The following RAD52 variants were observed in gnomAD, a reference collection of about 807,000 sequenced individuals.
RAD52 encodes RAD52 DNA repair protein, also known as DNA repair protein RAD52 homolog.
RAD52 carries 47 observed loss-of-function variants against 55.5 expected under a neutral mutation model. The observed-to-expected ratio is 0.85, with a 90% confidence interval of 0.67 to 1.08. RAD52 has a LOEUF of 1.08. RAD52 is among the 50% of genes least tolerant of loss of function. The pLI, the probability that RAD52 is intolerant of heterozygous loss-of-function variation, is 0.00. For synonymous variants in RAD52, 184 were observed against 198.9 expected (o/e 0.92, Z 0.63); for missense variants, 468 against 522.8 (o/e 0.90, Z 1.02).
chr12:955,400 A>C (rs577672352), intron 1 of RAD52, among the ~76,000 whole-genome samples: 2 of 152,116 alleles, frequency 1.3e-5, no homozygotes, highest in Admixed American at 6.6e-5. Flanking sequence ...TGCTTAGTCA[A>C]TGGCCATGAC....
At chr12:984,451 G>A (rs1047124674) in intron 1 of RAD52, among the ~76,000 whole-genome samples, 38 of 152,066 alleles carry the variant, frequency 2.5e-4, no homozygotes, top group African/African-American at 8.7e-4. Flanking sequence ...ACCTGCCTCA[G>A]GCTCCCAAAG....
At chr12:971,333 C>CTTT (rs1401463073) in intron 1 of RAD52, among the ~76,000 whole-genome samples, 2 of 151,894 alleles carry the variant, frequency 1.3e-5, no homozygotes, top group Admixed American at 6.6e-5. Context: ...AAAAGACTGC[C>CTTT]TTTTCCTCTA....
In RAD52 at chr12:932,829, TAAA is replaced by T; in HGVS notation, c.84+143_84+145del. On this transcript the variant is annotated intron_variant, in intron 2 of 11. Coordinates refer to ENST00000358495, the MANE Select transcript of RAD52 (RefSeq NM_134424.4). ...AGGTACTGCTCACACACGTACTAGG[TAAA>T]CGTACTAGGTACTGCTCACACACGT... The T allele has an allele frequency of 1.9e-4, 35 of 183,410 alleles. 1 individual carries two copies. The highest frequency in any genetic ancestry group is 2.7e-4 in the Non-Finnish European group (24 of 87,690). 11.4% of individuals were successfully genotyped at this position (183,410 alleles called of 1,614,324 possible).
intron 2 of RAD52, 112 bp from the exon 3 acceptor site, chr12:931,433 G>T: frequency 2.8e-6 from 2 of 711,434 alleles, no homozygotes; most frequent in Non-Finnish European, 4.5e-6. Flanking sequence ...CAGAACCTTT[G>T]TTTATGTGGG....
At chr12:937,115 G>A (rs971966650) in intron 1 of RAD52, among the ~76,000 whole-genome samples, 2 of 152,094 alleles carry the variant, frequency 1.3e-5, no homozygotes, top group Non-Finnish European at 2.9e-5. Flanking sequence ...GAAGCTGAGG[G>A]GTCCGTCCAC....
At chr12:981,116 G>A (rs1340241499) in intron 1 of RAD52, among the ~76,000 whole-genome samples, 1 of 151,774 alleles carries the variant, frequency 6.6e-6, no homozygotes, top group Non-Finnish European at 1.5e-5. Flanking sequence ...GATAGCTTGA[G>A]GTCAGCAGTT....
chr12:974,992 G>C (rs1255849815), intron 1 of RAD52: 2 of 152,104 alleles, frequency 1.3e-5, no homozygotes, highest in East Asian at 3.8e-4. Context: ...CCAAAGATAG[G>C]TGAGTACAGT....
intron 1 of RAD52, among the ~76,000 whole-genome samples, chr12:945,371 A>T (rs886934289): frequency 4.6e-5 from 7 of 151,908 alleles, no homozygotes; most frequent in South Asian, 2.1e-4. Context: ...TAGAAAAAAA[A>T]TTTTTAATTG....
chr12:979,673 T>C (rs897815360), intron 1 of RAD52, among the ~76,000 whole-genome samples: 3 of 152,264 alleles, frequency 2.0e-5, no homozygotes, highest in Admixed American at 2.0e-4. Context: ...TTCCAGCACC[T>C]TGATCTTGGA....
At position 926,911 on chromosome 12, in the gene RAD52, T is replaced by A. The variant is rs1592359417; in HGVS notation, c.467+234A>T. ...GACTGAGTGCACGGAGAAGAGAGAGTACAGGATTCTACCACTTACTCCCAG... is the reference window on the plus strand; with the variant it reads ...GACTGAGTGCACGGAGAAGAGAGAGAACAGGATTCTACCACTTACTCCCAG... On this transcript the variant is annotated intron_variant, in intron 6 of 11. Coordinates refer to ENST00000358495, the MANE Select transcript of RAD52 (RefSeq NM_134424.4). 3 of 1,536,500 alleles carry A rather than the reference T, an allele frequency of 2.0e-6. No homozygotes were observed. In the East Asian group the frequency reaches 7.3e-5, roughly 38 times the overall value.
At position 944,045 on chromosome 12, in the gene RAD52, A is replaced by C. The variant is rs1379593373; in HGVS notation, c.-19+5557T>G. 2.6e-5 allele frequency among the ~76,000 whole-genome samples: 4 copies of C among 151,868 alleles called. No homozygotes were observed. In the East Asian group the frequency reaches 7.7e-4, roughly 29 times the overall value. On this transcript the variant is annotated intron_variant, in intron 1 of 11. Coordinates refer to ENST00000358495, the MANE Select transcript of RAD52 (RefSeq NM_134424.4). Reference sequence around the variant, plus strand: ...AGCCTGGCCAACATCATGAAACTCCATCTCTACAAAAAATACAAAAATTAG... The same window carrying C: ...AGCCTGGCCAACATCATGAAACTCCCTCTCTACAAAAAATACAAAAATTAG...
chr12:948,179 C>T lies in RAD52; in HGVS notation c.-19+1423G>A, dbSNP rs188895828. Among the ~76,000 whole-genome samples the T allele has an allele frequency of 4.0e-3, 607 of 152,024 alleles. 3 individuals are homozygous for T. Among genetic ancestry groups the T allele is most frequent in the African/African-American group, 0.013 (542 of 41,470 alleles). On this transcript the variant is annotated intron_variant, in intron 1 of 11. Transcript: ENST00000358495. ...CATACAACATAGATGGACTTTGAAT[C>T]ATGAAGTGAAATAAACCAAACACAA...
intron 7 of RAD52, among the ~76,000 whole-genome samples, chr12:920,569 A>C (rs1956671559): frequency 6.6e-6 from 1 of 152,172 alleles, no homozygotes; most frequent in African/African-American, 2.4e-5. Context: ...CAAAAAAAAA[A>C]AAAAGAATGT....
upstream of RAD52, among the ~76,000 whole-genome samples, chr12:990,864 AG>A (rs1959176576): frequency 6.6e-6 from 1 of 151,670 alleles, no homozygotes; most frequent in Non-Finnish European, 1.5e-5. Context: ...TACGGCAAGC[AG>A]GAGGAGACAA....
rs184813842 is a variant in RAD52 at position 943,639 on chromosome 12, G to A, written c.-19+5963C>T. On this transcript the variant is annotated intron_variant, in intron 1 of 11. Transcript: ENST00000358495. ...GCCAGGATTACAGACGTGAGCCACC[G>A]CGCCTGGCCTATTAGTTCTTTATTT... Among the ~76,000 whole-genome samples, 102 of 151,962 alleles carry A rather than the reference G, an allele frequency of 6.7e-4. 2 individuals carry two copies. In the East Asian group the frequency reaches 0.014, roughly 21 times the overall value.
intron 1 of RAD52, among the ~76,000 whole-genome samples, chr12:947,331 A>C (rs949643479): frequency 5.0e-3 from 63 of 12,684 alleles, no homozygotes; most frequent in African/African-American, 0.011. Context: ...TGTCCCCCCA[A>C]AAAAACAACA....
intron 1 of RAD52, among the ~76,000 whole-genome samples, chr12:967,461 C>T (rs943489425): frequency 1.3e-5 from 2 of 151,826 alleles, no homozygotes; most frequent in Non-Finnish European, 2.9e-5. Context: ...GTAACCATCA[C>T]CTAGCTCACT....
intron 1 of RAD52, among the ~76,000 whole-genome samples, chr12:939,366 G>C (rs1017355109): frequency 6.6e-5 from 10 of 151,920 alleles, no homozygotes; most frequent in African/African-American, 2.4e-4. Flanking sequence ...GTCCAGGCTG[G>C]TCTCAAACTC....
intron 1 of RAD52, among the ~76,000 whole-genome samples, chr12:979,051 T>C (rs747518837): frequency 3.9e-5 from 6 of 152,176 alleles, no homozygotes; most frequent in Non-Finnish European, 8.8e-5. Flanking sequence ...GTAATTGTTA[T>C]GAACTGAAAT....
Sources: gnomAD v4.1 joint callset for allele counts (sites outside exome capture counted in the v4.1 genomes callset) on GRCh38, gnomAD v4.1.1 for gene constraint, MANE v1.5 for transcripts, NCBI Gene and HGNC (gene_info 2026-07-23, HGNC 2026-07-21) for gene names.